The following LMO3 variants were observed in gnomAD, a reference collection of about 807,000 sequenced individuals.
The protein encoded by LMO3 is LIM domain only 3, also known as LIM domain only protein 3.
Under a neutral mutation model 15.8 loss-of-function variants are expected in LMO3, and 2 were observed. That is an observed-to-expected ratio of 0.13 (90% CI 0.05 to 0.40). The LOEUF is 0.40. LMO3 is among the 10% of genes least tolerant of loss of function. LMO3 has a pLI of 0.99. For missense variants in LMO3, 86 were observed against 182.2 expected (o/e 0.47, Z 3.04); for synonymous variants, 62 against 63.8 (o/e 0.97, Z 0.13).
In LMO3 at chr12:16,582,100, C is replaced by A. The variant is rs185492011; in HGVS notation, c.206+18555G>T. ...TAATGGAAATTACTTTAGTATTTAG[C>A]TGTTTTATAAATTTGCAGTTAGGTT... On this transcript the variant is annotated intron_variant, in intron 2 of 3. Coordinates refer to ENST00000537304, the MANE Select transcript of LMO3 (RefSeq NM_018640.5). The surrounding 1 kb of genome is among the most constrained non-coding windows in gnomAD (Gnocchi z 4.1). 6.6e-6 allele frequency among the ~76,000 whole-genome samples: 1 copy of A among 152,118 alleles called. No homozygotes were observed. The highest frequency in any genetic ancestry group is 1.9e-4 in the East Asian group (1 of 5,174).
chr12:16,579,109 C>T (rs1261069450), intron 2 of LMO3, among the ~76,000 whole-genome samples: 1 of 152,080 alleles, frequency 6.6e-6, no homozygotes, highest in African/African-American at 2.4e-5. Flanking sequence ...TTATAAAGGT[C>T]ATAAACTTCC....
At chr12:16,578,818 A>AAACAACAACAAC (rs201327858) in intron 2 of LMO3, among the ~76,000 whole-genome samples, 70 of 141,136 alleles carry the variant, frequency 5.0e-4, no homozygotes, top group East Asian at 2.2e-3. Flanking sequence ...ATTCTGTCTC[A>AAACAACAACAAC]AACAACAACA....
In LMO3 at chr12:16,550,462, T is replaced by C. The variant is rs981081750; in HGVS notation, c.*760A>G. 6.6e-6 allele frequency: 1 copy of C among 152,396 alleles called. No individual in the cohort carries two copies. Among genetic ancestry groups the C allele is most frequent in the Non-Finnish European group, 1.5e-5 (1 of 67,886 alleles). The allele number at this position is 152,396 out of a possible 1,614,324, so 9.4% of individuals were successfully genotyped here. On this transcript the variant is annotated 3_prime_UTR_variant, in exon 4 of 4. Coordinates refer to ENST00000537304, the MANE Select transcript of LMO3 (RefSeq NM_018640.5). Reference sequence around the variant, plus strand: ...GTAAAGAGCACACAAAAAAAGGATATTAAAAGGAAACCTGTTAAGCTTTAA... The same window carrying C: ...GTAAAGAGCACACAAAAAAAGGATACTAAAAGGAAACCTGTTAAGCTTTAA...
intron 2 of LMO3, among the ~76,000 whole-genome samples, chr12:16,583,074 T>C (rs1039236011): frequency 6.8e-6 from 1 of 146,962 alleles, no homozygotes; most frequent in Non-Finnish European, 1.5e-5. Flanking sequence ...AAATCTAAAC[T>C]GTAGGGTCAT....
At position 16,549,247 on chromosome 12, in the gene LMO3, G is replaced by C. The variant is rs534002658; in HGVS notation, c.*1975C>G. 1 of 152,208 alleles carries C rather than the reference G, an allele frequency of 6.6e-6. No individual in the cohort carries two copies. Among genetic ancestry groups the C allele is most frequent in the Non-Finnish European group, 1.5e-5 (1 of 68,006 alleles). The allele number at this position is 152,208 out of a possible 1,614,324, so 9.4% of individuals were successfully genotyped here. On this transcript the variant is annotated 3_prime_UTR_variant, in exon 4 of 4. Transcript: ENST00000537304. ...AGTCCTTTCTCTTCATGAAACAAGT[G>C]TAAGGCTCTAAGGCTAAAATAATAG...
intron 2 of LMO3, among the ~76,000 whole-genome samples, chr12:16,569,860 CA>C (rs1942752584): frequency 6.6e-6 from 1 of 152,012 alleles, no homozygotes; most frequent in Non-Finnish European, 1.5e-5. Flanking sequence ...TGTACTAAAA[CA>C]GAAATATTTT....
In LMO3 at chr12:16,549,135, G is replaced by C. The variant is rs1941894471; in HGVS notation, c.*2087C>G. The C allele has an allele frequency of 6.6e-6, 1 of 152,134 alleles. No individual in the cohort carries two copies. The highest frequency in any genetic ancestry group is 2.1e-4 in the South Asian group (1 of 4,832). The allele number at this position is 152,134 out of a possible 1,614,324, so 9.4% of individuals were successfully genotyped here. A position where few individuals can be genotyped will look rare whatever the true frequency, so the allele number is the denominator to read the frequency against. ...TTCAAGCAATTGTTAATGGGGACCA[G>C]CAGGGCTGCATTAAGAAAACCACTT... On this transcript the variant is annotated 3_prime_UTR_variant, in exon 4 of 4. Coordinates refer to ENST00000537304, the MANE Select transcript of LMO3 (RefSeq NM_018640.5).
At chr12:16,552,723 A>T (rs1942036007) in intron 3 of LMO3, among the ~76,000 whole-genome samples, 1 of 152,102 alleles carries the variant, frequency 6.6e-6, no homozygotes, top group Admixed American at 6.5e-5. Flanking sequence ...CTATGCACTG[A>T]TCTTGAAATC....
At chr12:16,575,374 C>T (rs543764758) in intron 2 of LMO3, among the ~76,000 whole-genome samples, 4 of 152,112 alleles carry the variant, frequency 2.6e-5, no homozygotes, top group Non-Finnish European at 5.9e-5. Context: ...ATGATACCTC[C>T]GCAAATTAGA....
intron 3 of LMO3, among the ~76,000 whole-genome samples, chr12:16,552,301 CT>C (rs897857547): frequency 3.3e-5 from 5 of 152,032 alleles, no homozygotes; most frequent in African/African-American, 1.2e-4. Flanking sequence ...AGTAAAACTA[CT>C]TGTAATTATA....
intron 1 of LMO3, chr12:16,605,732 A>G (rs1388191711): frequency 3.3e-6 from 5 of 1,529,382 alleles, no homozygotes; most frequent in Admixed American, 2.0e-5. Context: ...ACTGCAGTTC[A>G]TGGTGAACTT....
chr12:16,552,925 C>A (rs1478434964), intron 3 of LMO3, among the ~76,000 whole-genome samples: 1 of 145,444 alleles, frequency 6.9e-6, no homozygotes. Flanking sequence ...ATACTGCAAC[C>A]AGTAGGGTCC....
chr12:16,563,110 C>A (rs1296148652), intron 2 of LMO3, among the ~76,000 whole-genome samples: 2 of 152,180 alleles, frequency 1.3e-5, no homozygotes, highest in East Asian at 3.8e-4. Context: ...ACTCTGATAT[C>A]CTAATGATGA....
chr12:16,599,100 G>A lies in LMO3; in HGVS notation c.206+1555C>T, dbSNP rs1943744288. The A allele has an allele frequency of 6.5e-6, 1 of 153,146 alleles. No individual in the cohort carries two copies. Among genetic ancestry groups the A allele is most frequent in the Non-Finnish European group, 1.5e-5 (1 of 68,472 alleles). The allele number at this position is 153,146 out of a possible 1,614,324, so 9.5% of individuals were successfully genotyped here. On this transcript the variant is annotated intron_variant, in intron 2 of 3. Coordinates refer to ENST00000537304, the MANE Select transcript of LMO3 (RefSeq NM_018640.5). The surrounding 1 kb of genome is among the most constrained non-coding windows in gnomAD (Gnocchi z 4.1). ...ATACAAATGCTTTATGTGGAAATGA[G>A]GCTCTAATTCACAATGGGCAGAAGA...
At position 16,599,509 on chromosome 12, in the gene LMO3, T is replaced by C. The variant is rs574195075; in HGVS notation, c.206+1146A>G. 6.6e-6 allele frequency: 1 copy of C among 152,180 alleles called. No individual in the cohort carries two copies. Among genetic ancestry groups the C allele is most frequent in the South Asian group, 2.1e-4 (1 of 4,820 alleles). The allele number at this position is 152,180 out of a possible 1,614,324, so 9.4% of individuals were successfully genotyped here. ...ACCAAATTCCCTAGAAAACACCTCATCAAATGACCAAGGTACTAAAGGAGT... is the reference window on the plus strand; with the variant it reads ...ACCAAATTCCCTAGAAAACACCTCACCAAATGACCAAGGTACTAAAGGAGT... On this transcript the variant is annotated intron_variant, in intron 2 of 3. Coordinates refer to ENST00000537304, the MANE Select transcript of LMO3 (RefSeq NM_018640.5). The surrounding 1 kb of genome is among the most constrained non-coding windows in gnomAD (Gnocchi z 4.1).
At chr12:16,605,197 C>A (rs1943947775) in intron 1 of LMO3, 1 of 1,330,786 alleles carries the variant, frequency 7.5e-7, no homozygotes, top group Non-Finnish European at 9.6e-7. Flanking sequence ...AAAATCCCAG[C>A]GGCCCCTTTT....
rs573680578 is a variant in LMO3, at chr12:16,575,543, C to T, written c.207-15005G>A. Among the ~76,000 whole-genome samples, 25 of 152,220 alleles carry T rather than the reference C, an allele frequency of 1.6e-4. No individual in the cohort carries two copies. The South Asian group carries it at 3.3e-3, about 20-fold the overall frequency. On this transcript the variant is annotated intron_variant, in intron 2 of 3. Transcript: ENST00000537304. Reference sequence around the variant, plus strand: ...CAGACACTGTTCTAAGCATTTGACACGAGTTATTTCATTAATCCTCAGGAC... The same window carrying T: ...CAGACACTGTTCTAAGCATTTGACATGAGTTATTTCATTAATCCTCAGGAC...
chr12:16,604,794 CAG>C lies in LMO3; in HGVS notation c.-9+1270_-9+1271del. 1 of 1,517,240 alleles carries C rather than the reference CAG, an allele frequency of 6.6e-7. No individual in the cohort carries two copies. Among genetic ancestry groups the C allele is most frequent in the Non-Finnish European group, 9.0e-7 (1 of 1,108,908 alleles). 94.0% of individuals were successfully genotyped at this position (1,517,240 alleles called of 1,614,324 possible). A position where few individuals can be genotyped will look rare whatever the true frequency, so the allele number is the denominator to read the frequency against. On this transcript the variant is annotated intron_variant, in intron 1 of 3. Transcript: ENST00000537304. This position sits in a 1 kb window ranked among gnomAD's most constrained non-coding sequence, Gnocchi z 5.3. ...GAAAGACACAAAAGCAGCGGAAAAG[CAG>C]AAAGGCTTTTGAGCGGCCAGGAGTG... is the stretch of plus-strand genomic sequence containing the variant.
chr12:16,576,009 C>A lies in LMO3; in HGVS notation c.207-15471G>T, dbSNP rs975879266. Among the ~76,000 whole-genome samples, 3 of 152,126 alleles carry A rather than the reference C, an allele frequency of 2.0e-5. No homozygotes were observed. Among genetic ancestry groups the A allele is most frequent in the African/African-American group, 7.2e-5 (3 of 41,412 alleles). The stretch of plus-strand genomic sequence containing the variant: ...GAATTTGCCTCCTCTTCTCAGACCC[C>A]CAAATCTAGCCCTGCCGCTGTGTTA... On this transcript the variant is annotated intron_variant, in intron 2 of 3. Coordinates refer to ENST00000537304, the MANE Select transcript of LMO3 (RefSeq NM_018640.5). The surrounding 1 kb of genome is among the most constrained non-coding windows in gnomAD (Gnocchi z 4.1).
Sources: gnomAD v4.1 joint callset for allele counts (sites outside exome capture counted in the v4.1 genomes callset) on GRCh38, gnomAD v4.1.1 for gene constraint, Gnocchi (gnomAD v3.1) non-coding constraint, MANE v1.5 for transcripts, NCBI Gene and HGNC (gene_info 2026-07-23, HGNC 2026-07-21) for gene names.